CDH13: variants seen among roughly 807,000 people sequenced by gnomAD.
CDH13 encodes cadherin 13, also known as cadherin-13.
CDH13 carries 24 observed loss-of-function variants against 63.8 expected under a neutral mutation model. That is an observed-to-expected ratio of 0.38 (90% CI 0.27 to 0.53). The LOEUF (loss-of-function observed/expected upper bound fraction) is 0.53, where lower values mean the gene tolerates loss of function less well. Among genes scored for constraint, CDH13 ranks in the 20% least tolerant of loss-of-function variants. CDH13 has a pLI of 0.85. For missense variants in CDH13, 1,049 were observed against 903.1 expected, an observed-to-expected ratio of 1.16 and a Z score of -2.07; for synonymous variants, 503 against 355.3, an observed-to-expected ratio of 1.42 and a Z score of -4.67.
chr16:83,109,888 C>G (rs2034975005), intron 3 of CDH13, among the ~76,000 whole-genome samples: 1 of 152,188 alleles, frequency 6.6e-6, no homozygotes, highest in Admixed American at 6.5e-5. Context: ...TTTTTCACCT[C>G]CAGTAAAACT....
At chr16:82,754,292 A>G (rs1317716254) in intron 1 of CDH13, among the ~76,000 whole-genome samples, 2 of 152,134 alleles carry the variant, frequency 1.3e-5, no homozygotes, top group Admixed American at 6.5e-5. Flanking sequence ...ATTCCCACAT[A>G]GAAATGGAAC....
chr16:83,209,866 C>G (rs2039289825), intron 4 of CDH13, among the ~76,000 whole-genome samples: 1 of 152,038 alleles, frequency 6.6e-6, no homozygotes. Context: ...ATCGCCGGCA[C>G]CAAGTCCAGG....
intron 10 of CDH13, among the ~76,000 whole-genome samples, chr16:83,702,627 A>G (rs564018796): frequency 6.6e-5 from 10 of 152,294 alleles, no homozygotes; most frequent in African/African-American, 2.4e-4. Context: ...ATCTCTGACC[A>G]CAGGAGTGCT....
At chr16:82,756,398 G>C (rs2034612803) in intron 1 of CDH13, among the ~76,000 whole-genome samples, 1 of 152,110 alleles carries the variant, frequency 6.6e-6, no homozygotes, top group Non-Finnish European at 1.5e-5. Context: ...ACCATTTGTG[G>C]ATCACTTACT....
At chr16:83,499,886 T>A (rs1226892083) in intron 7 of CDH13, among the ~76,000 whole-genome samples, 1 of 152,188 alleles carries the variant, frequency 6.6e-6, no homozygotes, top group East Asian at 1.9e-4. Flanking sequence ...CACTGCAATC[T>A]CCACCTCCCG....
intron 1 of CDH13, among the ~76,000 whole-genome samples, chr16:82,629,145 C>T (rs988867122): frequency 1.3e-5 from 2 of 152,198 alleles, no homozygotes; most frequent in Non-Finnish European, 2.9e-5. Flanking sequence ...GCCCCAGGAT[C>T]GATTTTTATG....
At chr16:82,769,863 A>T (rs2035195813) in intron 1 of CDH13, among the ~76,000 whole-genome samples, 1 of 152,226 alleles carries the variant, frequency 6.6e-6, no homozygotes, top group Non-Finnish European at 1.5e-5. Flanking sequence ...AACCTACGAA[A>T]TGTGACAGGA....
In CDH13 at chr16:83,001,922, C is replaced by T. The variant is rs138203304; in HGVS notation, c.158-30088C>T. Among the ~76,000 whole-genome samples, 331 of 152,274 alleles carry T rather than the reference C, an allele frequency of 2.2e-3. 2 individuals carry two copies. The highest frequency in any genetic ancestry group is 7.6e-3 in the African/African-American group (315 of 41,546). ...TCAGGAGAGCTGTACACCTCAGGAA[C>T]ATCATATCATAGAAAAGGGAAGACA... On this transcript the variant is annotated intron_variant, in intron 2 of 13. Transcript: ENST00000567109.
At chr16:83,071,292 C>T (rs534631394) in intron 3 of CDH13, among the ~76,000 whole-genome samples, 3 of 152,146 alleles carry the variant, frequency 2.0e-5, no homozygotes, top group Non-Finnish European at 4.4e-5. Flanking sequence ...ATTTAATCCT[C>T]ACATAACCCT....
intron 5 of CDH13, among the ~76,000 whole-genome samples, chr16:83,336,105 C>T (rs1057176338): frequency 6.6e-5 from 10 of 151,672 alleles, no homozygotes; most frequent in African/African-American, 1.9e-4. Context: ...GTTCGAGACC[C>T]GCCTGACCAA....
chr16:83,092,389 A>T (rs752717239), intron 3 of CDH13, among the ~76,000 whole-genome samples: 1 of 152,200 alleles, frequency 6.6e-6, no homozygotes, highest in Admixed American at 6.5e-5. Flanking sequence ...GTAGTGATGG[A>T]CACATTTTCA....
chr16:83,644,446 C>G (rs893535868), intron 8 of CDH13, among the ~76,000 whole-genome samples: 9 of 152,352 alleles, frequency 5.9e-5, no homozygotes, highest in Non-Finnish European at 1.2e-4. Flanking sequence ...TGTACATCTT[C>G]ACGTACATAT....
intron 5 of CDH13, among the ~76,000 whole-genome samples, chr16:83,338,367 A>T (rs982566450): frequency 6.6e-6 from 1 of 152,188 alleles, no homozygotes; most frequent in African/African-American, 2.4e-5. Flanking sequence ...AGCTCAGGCC[A>T]AAACTTTGGA....
At chr16:82,955,435 C>T (rs1905930327) in intron 2 of CDH13, among the ~76,000 whole-genome samples, 1 of 152,196 alleles carries the variant, frequency 6.6e-6, no homozygotes, top group African/African-American at 2.4e-5. Context: ...ACTTTAGCTT[C>T]ATAATTATCC....
intron 13 of CDH13, among the ~76,000 whole-genome samples, chr16:83,786,352 C>T (rs963829781): frequency 6.6e-6 from 1 of 152,076 alleles, no homozygotes; most frequent in African/African-American, 2.4e-5. Flanking sequence ...CACGTCAGAA[C>T]CACTTAGGAA....
At chr16:83,248,776 C>T (rs933453819) in intron 5 of CDH13, among the ~76,000 whole-genome samples, 4 of 152,168 alleles carry the variant, frequency 2.6e-5, no homozygotes, top group African/African-American at 9.6e-5. Context: ...CTTAACCACA[C>T]CCGTAGCTTC....
chr16:83,486,112 C>T lies in CDH13; in HGVS notation c.782-365C>T, dbSNP rs527900643. 1.6e-3 allele frequency among the ~76,000 whole-genome samples: 241 copies of T among 150,178 alleles called. 1 individual carries two copies. The highest frequency in any genetic ancestry group is 2.7e-3 in the Non-Finnish European group (184 of 67,848). The stretch of plus-strand genomic sequence containing the variant: ...AAGCCAAGATCACGCCGCTGCACTC[C>T]GGCTTGGGTGACAGAGCGAGACTCT... On this transcript the variant is annotated intron_variant, in intron 6 of 13. Coordinates refer to ENST00000567109, the MANE Select transcript of CDH13 (RefSeq NM_001257.5).
intron 2 of CDH13, among the ~76,000 whole-genome samples, chr16:82,985,955 C>A (rs984784611): frequency 1.3e-5 from 2 of 152,096 alleles, no homozygotes; most frequent in African/African-American, 2.4e-5. Context: ...CTGGAAGCTT[C>A]CCGAAGCCTC....
chr16:83,679,443 G>A (rs1915224846), intron 10 of CDH13, among the ~76,000 whole-genome samples: 1 of 152,234 alleles, frequency 6.6e-6, no homozygotes, highest in African/African-American at 2.4e-5. Context: ...CTGAAAATGT[G>A]CAACAGGGAC....
Sources: allele counts gnomAD v4.1 joint callset (sites outside exome capture counted in the v4.1 genomes callset), GRCh38; gene constraint gnomAD v4.1.1; transcripts MANE v1.5; gene names NCBI Gene and HGNC (gene_info 2026-07-23, HGNC 2026-07-21).